The following EPS15 variants were observed in gnomAD, a reference collection of about 807,000 sequenced individuals.
EPS15 encodes the protein epidermal growth factor receptor substrate 15.
Under a neutral mutation model 113.8 loss-of-function variants are expected in EPS15, and 72 were observed. That is an observed-to-expected ratio of 0.63 (90% CI 0.52 to 0.77). EPS15 has a LOEUF of 0.77. EPS15 is among the 30% of genes least tolerant of loss of function. The pLI is 0.00. For missense variants in EPS15, 1,048 were observed against 1,045.8 expected (o/e 1.00, Z -0.03); for synonymous variants, 344 against 363.4 (o/e 0.95, Z 0.61).
At position 51,378,432 on chromosome 1, in the gene EPS15, G is replaced by C. The variant is rs1235672513; in HGVS notation, c.2120-12403C>G. Among the ~76,000 whole-genome samples, 3 of 152,054 alleles carry C rather than the reference G, an allele frequency of 2.0e-5. No individual in the cohort carries two copies. In the East Asian group the frequency reaches 5.8e-4, roughly 29 times the overall value. ...AGCACTTTAGGAGACTGAGGTGGGA[G>C]GACTGCTTGAGCCCAGGAATTCAAG... On this transcript the variant is annotated intron_variant, in intron 21 of 24. Coordinates refer to ENST00000371733, the MANE Select transcript of EPS15 (RefSeq NM_001981.3).
intron 1 of EPS15, among the ~76,000 whole-genome samples, chr1:51,504,536 AATAC>A (rs1334697411): frequency 1.3e-5 from 2 of 152,218 alleles, no homozygotes; most frequent in Admixed American, 6.5e-5. Flanking sequence ...TTCTATCTAG[AATAC>A]ATAAAGAATT....
In EPS15 at chr1:51,409,401, C is replaced by T. The variant is rs888992568; in HGVS notation, c.1275+134G>A. 4.1e-6 allele frequency: 3 copies of T among 728,352 alleles called. No individual in the cohort carries two copies. The Admixed American group carries it at 8.8e-5, about 21-fold the overall frequency. The allele number at this position is 728,352 out of a possible 1,614,324, so 45.1% of individuals were successfully genotyped here. On this transcript the variant is annotated intron_variant, in intron 14 of 24. Coordinates refer to ENST00000371733, the MANE Select transcript of EPS15 (RefSeq NM_001981.3). Reference sequence around the variant, plus strand: ...TTTCTGGATGAACCTTGCTCCATCGCCCCCATGAACCCAAATGCTGACTGG... The same window carrying T: ...TTTCTGGATGAACCTTGCTCCATCGTCCCCATGAACCCAAATGCTGACTGG...
chr1:51,519,159 A>G, intron 1 of EPS15, 40 bp downstream of exon 1: 1 of 1,407,848 alleles, frequency 7.1e-7, no homozygotes, highest in Non-Finnish European at 9.4e-7. Context: ...GGGAGGGGGC[A>G]CCGGCCGGCC....
chr1:51,387,137 A>C (rs1338531148), intron 21 of EPS15, among the ~76,000 whole-genome samples: 5 of 152,344 alleles, frequency 3.3e-5, no homozygotes, highest in South Asian at 2.1e-4. Flanking sequence ...GAAACTCCAC[A>C]AGCCAGAAGA....
At chr1:51,472,823 C>T in intron 3 of EPS15, 36 bp downstream of exon 3, 2 of 1,481,202 alleles carry the variant, frequency 1.4e-6, no homozygotes, top group Non-Finnish European at 1.9e-6. Flanking sequence ...ACATTCCTTA[C>T]AAACTTATAA....
chr1:51,474,408 T>C (rs548158326), intron 2 of EPS15, among the ~76,000 whole-genome samples: 2 of 152,318 alleles, frequency 1.3e-5, no homozygotes, highest in African/African-American at 2.4e-5. Context: ...TCAGACCATA[T>C]TGGTAGATGA....
At chr1:51,451,672 T>C (rs1025074711) in intron 8 of EPS15, among the ~76,000 whole-genome samples, 2 of 151,726 alleles carry the variant, frequency 1.3e-5, no homozygotes, top group African/African-American at 4.9e-5. Context: ...ATGACAAGTA[T>C]TTTTAATACA....
chr1:51,454,041 C>CT (rs543262855), intron 8 of EPS15, among the ~76,000 whole-genome samples: 4,428 of 99,556 alleles, frequency 0.044, 116 homozygotes, highest in Non-Finnish European at 0.06. Context: ...CAGAGTGAGA[C>CT]TTTGTTTCAA....
At chr1:51,483,229 T>C (rs1230607650) in intron 1 of EPS15, among the ~76,000 whole-genome samples, 2 of 152,114 alleles carry the variant, frequency 1.3e-5, no homozygotes, top group Admixed American at 6.6e-5. Flanking sequence ...TAAGATATGT[T>C]GAGAGAGAGA....
intron 21 of EPS15, among the ~76,000 whole-genome samples, chr1:51,381,019 G>A (rs1004034240): frequency 6.6e-6 from 1 of 152,102 alleles, no homozygotes; most frequent in Admixed American, 6.6e-5. Context: ...CACCAAACAT[G>A]CTTCTTCAAT....
chr1:51,509,927 A>G (rs1644588337), intron 1 of EPS15, among the ~76,000 whole-genome samples: 1 of 152,218 alleles, frequency 6.6e-6, no homozygotes. Context: ...TCATTCAATC[A>G]ATATCCGAGT....
intron 8 of EPS15, 153 bp downstream of exon 8, chr1:51,460,938 A>T (rs755887589): frequency 2.0e-4 from 110 of 542,726 alleles, no homozygotes; most frequent in Non-Finnish European, 3.3e-4. Context: ...TGGGTGACAG[A>T]GTGAGACTCT....
At position 51,465,394 on chromosome 1, in the gene EPS15, G is replaced by GT. The variant is rs1654776562; in HGVS notation, c.310-69dup. 5 of 1,127,626 alleles carry GT rather than the reference G, an allele frequency of 4.4e-6. No homozygotes were observed. In the South Asian group the frequency reaches 6.8e-5, roughly 15 times the overall value. 69.9% of individuals were successfully genotyped at this position (1,127,626 alleles called of 1,614,324 possible). A position where few individuals can be genotyped will look rare whatever the true frequency, so the allele number is the denominator to read the frequency against. Reference sequence around the variant, plus strand: ...ATCAAGAAGCAATGAAGAAAAAATGGTTTTTGGATTTAAATATGTTCACAC... The same window carrying GT: ...ATCAAGAAGCAATGAAGAAAAAATGGTTTTTTGGATTTAAATATGTTCACAC... On this transcript the variant is annotated intron_variant, in intron 5 of 24. Transcript: ENST00000371733.
intron 11 of EPS15, among the ~76,000 whole-genome samples, chr1:51,441,740 C>A (rs181297361): frequency 2.6e-4 from 39 of 152,112 alleles, no homozygotes; most frequent in African/African-American, 9.1e-4. Context: ...TGTTATTAAC[C>A]CCATCTTAGA....
intron 21 of EPS15, among the ~76,000 whole-genome samples, chr1:51,367,270 G>A (rs72910225): frequency 3.9e-5 from 6 of 152,160 alleles, no homozygotes; most frequent in African/African-American, 1.4e-4. Flanking sequence ...ATATTTAACA[G>A]GCCAGGTGCA....
intron 6 of EPS15, among the ~76,000 whole-genome samples, chr1:51,464,361 T>C (rs1654695864): frequency 6.6e-6 from 1 of 151,588 alleles, no homozygotes; most frequent in Non-Finnish European, 1.5e-5. Flanking sequence ...TGCCTCAGCC[T>C]CCCGAGTAGC....
At chr1:51,427,484 A>T (rs533773272) in intron 12 of EPS15, among the ~76,000 whole-genome samples, 1 of 152,278 alleles carries the variant, frequency 6.6e-6, no homozygotes, top group East Asian at 1.9e-4. Context: ...TAAAGAGATA[A>T]TTACAATGCA....
At chr1:51,479,607 T>A (rs753466465) in intron 2 of EPS15, among the ~76,000 whole-genome samples, 11 of 152,202 alleles carry the variant, frequency 7.2e-5, no homozygotes, top group Admixed American at 1.3e-4. Flanking sequence ...TCTCACTGAC[T>A]CCTCAGAATT....
intron 7 of EPS15, 116 bp from the exon 8 acceptor site, chr1:51,461,266 C>G (rs1236880179): frequency 6.9e-6 from 5 of 721,274 alleles, no homozygotes; most frequent in Non-Finnish European, 1.2e-5. Flanking sequence ...TATGGCCTCC[C>G]AGCACTTTGA....
Sources: allele counts gnomAD v4.1 joint callset (sites outside exome capture counted in the v4.1 genomes callset), GRCh38; gene constraint gnomAD v4.1.1; transcripts MANE v1.5; gene names NCBI Gene and HGNC (gene_info 2026-07-23, HGNC 2026-07-21).